DNAH7: variants seen among roughly 807,000 people sequenced by gnomAD.
The protein encoded by DNAH7 is dynein axonemal heavy chain 7, also known as axonemal beta dynein heavy chain 7.
In DNAH7, 397 loss-of-function variants were observed where a neutral mutation model predicts 444.6. That is an observed-to-expected ratio of 0.89 (90% CI 0.82 to 0.97). The LOEUF (loss-of-function observed/expected upper bound fraction) is 0.97, where lower values mean the gene tolerates loss of function less well. DNAH7 is among the 50% of genes least tolerant of loss of function. The pLI is 0.00. For synonymous variants in DNAH7, 1,636 were observed against 1,624.4 expected, an observed-to-expected ratio of 1.01 and a Z score of -0.17; for missense variants, 4,902 against 4,800.8, an observed-to-expected ratio of 1.02 and a Z score of -0.62.
At chr2:195,772,549 C>A (rs1023048264) in intron 60 of DNAH7, among the ~76,000 whole-genome samples, 1 of 151,892 alleles carries the variant, frequency 6.6e-6, no homozygotes, top group South Asian at 2.1e-4. Flanking sequence ...AAATTAAATC[C>A]TCAGAACAAA....
chr2:195,844,350 C>T (rs768938806), intron 47 of DNAH7, among the ~76,000 whole-genome samples: 2 of 152,048 alleles, frequency 1.3e-5, no homozygotes, highest in African/African-American at 2.4e-5. Flanking sequence ...GAAAACTGGC[C>T]GAGTGATAAA....
At chr2:196,021,824 A>C (rs759958738) in intron 8 of DNAH7, among the ~76,000 whole-genome samples, 1 of 150,564 alleles carries the variant, frequency 6.6e-6, no homozygotes, top group Non-Finnish European at 1.5e-5. Flanking sequence ...TATCTCAAGA[A>C]AATTACAAAT....
chr2:196,019,092 G>A (rs1695207006), intron 9 of DNAH7, 78 bp downstream of exon 9: 1 of 1,293,118 alleles, frequency 7.7e-7, no homozygotes, highest in Non-Finnish European at 1.0e-6. Context: ...AGTTAAAATA[G>A]TAAAAGAAAT....
At chr2:196,042,551 T>C (rs1224636938) in intron 5 of DNAH7, among the ~76,000 whole-genome samples, 2 of 151,992 alleles carry the variant, frequency 1.3e-5, no homozygotes, top group Non-Finnish European at 2.9e-5. Context: ...AATATTTAAA[T>C]AGGCACCTCA....
intron 12 of DNAH7, among the ~76,000 whole-genome samples, chr2:195,992,307 G>C (rs1363551027): frequency 6.6e-6 from 1 of 152,164 alleles, no homozygotes; most frequent in South Asian, 2.1e-4. Flanking sequence ...ACTAAGTCTA[G>C]TGTGTGTGAA....
rs754852610 is a variant in DNAH7 at position 195,777,793 on chromosome 2, T to A, written c.11064+7A>T. 1.9e-6 allele frequency: 3 copies of A among 1,605,186 alleles called. No homozygotes were observed. The East Asian group carries it at 6.7e-5, about 36-fold the overall frequency. Reference sequence around the variant, plus strand: ...CTGCTTTTAGTTTTTTTGAAGGGCATACTTACATCACCAGAAGGAGGAACA... The same window carrying A: ...CTGCTTTTAGTTTTTTTGAAGGGCAAACTTACATCACCAGAAGGAGGAACA... On this transcript the variant is annotated splice_region_variant and intron_variant, in intron 59 of 64. Coordinates refer to ENST00000312428, the MANE Select transcript of DNAH7 (RefSeq NM_018897.3).
chr2:195,820,114 G>A (rs765039882), intron 49 of DNAH7, among the ~76,000 whole-genome samples: 3 of 152,156 alleles, frequency 2.0e-5, no homozygotes, highest in Non-Finnish European at 2.9e-5. Context: ...TATAATTGAA[G>A]GCAAACATTT....
intron 57 of DNAH7, among the ~76,000 whole-genome samples, chr2:195,789,899 C>T (rs1323168543): frequency 2.6e-5 from 4 of 152,094 alleles, no homozygotes; most frequent in Admixed American, 2.6e-4. Flanking sequence ...TCTTTGCTGA[C>T]AATATGATTC....
chr2:195,762,951 C>T (rs1395900628), intron 61 of DNAH7, among the ~76,000 whole-genome samples: 2 of 152,058 alleles, frequency 1.3e-5, no homozygotes, highest in Non-Finnish European at 2.9e-5. Context: ...GTGGATCGTT[C>T]ACATGTTAGG....
intron 12 of DNAH7, among the ~76,000 whole-genome samples, chr2:195,993,901 C>T (rs1245538716): frequency 2.0e-5 from 3 of 152,072 alleles, no homozygotes; most frequent in Non-Finnish European, 2.9e-5. Context: ...ATTCTACAGC[C>T]CATCTGTCAG....
At chr2:195,772,275 T>C (rs544567728) in intron 60 of DNAH7, among the ~76,000 whole-genome samples, 30 of 152,184 alleles carry the variant, frequency 2.0e-4, no homozygotes, top group South Asian at 6.2e-4. Flanking sequence ...GGAAATCTCA[T>C]CTTGCTTTGA....
intron 46 of DNAH7, among the ~76,000 whole-genome samples, chr2:195,852,915 C>CACAGAG (rs1553537158): frequency 1.5e-4 from 13 of 84,584 alleles, no homozygotes; most frequent in South Asian, 1.2e-3. Context: ...CACACACACA[C>CACAGAG]AGAGAGAGAG....
chr2:195,925,689 C>A (rs1245374523), intron 22 of DNAH7, among the ~76,000 whole-genome samples: 4 of 152,138 alleles, frequency 2.6e-5, no homozygotes, highest in Non-Finnish European at 5.9e-5. Flanking sequence ...CATTTTCAAA[C>A]CCCTGTTCAA....
In DNAH7 at chr2:195,873,642, T is replaced by C. The variant is rs376576701; in HGVS notation, c.6339A>G (p.Ile2113Met). ...TPRYMRHFNI[I>M]TINEFSDKSM... ...ATTTATCACTAAACTCATTGATTGTTATAATATTGAAATGTCGCATGTATC... is the reference window on the plus strand; with the variant it reads ...ATTTATCACTAAACTCATTGATTGTCATAATATTGAAATGTCGCATGTATC... Residue 2113 changes from isoleucine (I) to methionine (M), a missense_variant, in exon 39 of 65, where the codon ATA becomes ATG. Ile to Met is a conservative substitution (Grantham distance 10). Transcript: ENST00000312428. The C allele has an allele frequency of 1.8e-5, 27 of 1,533,624 alleles. No individual in the cohort carries two copies. Among genetic ancestry groups the C allele is most frequent in the Non-Finnish European group, 2.4e-5 (27 of 1,145,396 alleles).
intron 46 of DNAH7, among the ~76,000 whole-genome samples, 162 bp downstream of exon 46, chr2:195,853,181 C>T (rs1699487886): frequency 6.6e-6 from 1 of 152,058 alleles, no homozygotes; most frequent in Admixed American, 6.5e-5. Context: ...GGCTAACCAG[C>T]TAATTTACAG....
At chr2:195,831,841 C>A (rs1003601199) in intron 48 of DNAH7, among the ~76,000 whole-genome samples, 1 of 152,116 alleles carries the variant, frequency 6.6e-6, no homozygotes, top group African/African-American at 2.4e-5. Flanking sequence ...AGAAAGGGAA[C>A]GTCCATCACT....
At position 195,853,503 on chromosome 2, in the gene DNAH7, T is replaced by G; in HGVS notation, c.8621A>C (p.Glu2874Ala). ...GCCTCCAATCAACTGTTCAGCTCGT[T>G]CTAGTTTTTTGCTGCAAAGGTCAAC... ...NQVDLCSKKL[E>A]RAEQLIGGLG... Residue 2874 changes from glutamate (E) to alanine (A), a missense_variant, in exon 46 of 65, where the codon GAA becomes GCA. Glu to Ala is a moderately radical substitution (Grantham distance 107). Coordinates refer to ENST00000312428, the MANE Select transcript of DNAH7 (RefSeq NM_018897.3). 1 of 1,609,052 alleles carries G rather than the reference T, an allele frequency of 6.2e-7. No homozygotes were observed. Among genetic ancestry groups the G allele is most frequent in the Non-Finnish European group, 8.5e-7 (1 of 1,177,594 alleles).
intron 8 of DNAH7, among the ~76,000 whole-genome samples, chr2:196,020,059 T>C (rs1695279293): frequency 6.6e-6 from 1 of 151,950 alleles, no homozygotes; most frequent in Non-Finnish European, 1.5e-5. Flanking sequence ...GATGATCCAC[T>C]TCTACTTTAT....
In DNAH7 at chr2:195,808,842, C is replaced by T. The variant is rs368844846; in HGVS notation, c.9923G>A (p.Gly3308Asp). 3 of 1,613,600 alleles carry T rather than the reference C, an allele frequency of 1.9e-6. No individual in the cohort carries two copies. Among genetic ancestry groups the T allele is most frequent in the East Asian group, 2.2e-5 (1 of 44,842 alleles). Residue 3308 changes from glycine to aspartate, a missense_variant, in exon 53 of 65, where the codon GGT becomes GAT. Coordinates refer to ENST00000312428, the MANE Select transcript of DNAH7 (RefSeq NM_018897.3). ...ATAAGGATTATCCAGTCCAATGCCA[C>T]CAGTTAGCAGAAATCTCCACTCAGC... ...NKAEWRFLLT[G>D]GIGLDNPYAN...
Sources: gnomAD v4.1 joint callset for allele counts (sites outside exome capture counted in the v4.1 genomes callset) on GRCh38, gnomAD v4.1.1 for gene constraint, MANE v1.5 for transcripts, NCBI Gene and HGNC (gene_info 2026-07-23, HGNC 2026-07-21) for gene names.